Variants in ICE1 observed in about 807,000 individuals in gnomAD.
The protein encoded by ICE1 is little elongation complex subunit 1.
ICE1 carries 64 observed loss-of-function variants against 192.7 expected under a neutral mutation model. The observed-to-expected ratio is 0.33, with a 90% CI of 0.27 to 0.41. The LOEUF (loss-of-function observed/expected upper bound fraction) is 0.41, where lower values mean the gene tolerates loss of function less well. Among genes scored for constraint, ICE1 ranks in the 10% least tolerant of loss-of-function variants. The pLI is 1.00. For missense variants in ICE1, 2,708 were observed against 2,696.0 expected (o/e 1.00, Z -0.10); for synonymous variants, 1,010 against 984.5 (o/e 1.03, Z -0.49).
At chr5:5,483,929 A>T (rs1739572351) in intron 17 of ICE1, among the ~76,000 whole-genome samples, 1 of 152,216 alleles carries the variant, frequency 6.6e-6, no homozygotes, top group Admixed American at 6.5e-5. Flanking sequence ...ATCTTAAATG[A>T]AAACCCTGCT....
rs374363096 is a variant in ICE1 at position 5,462,757 on chromosome 5, C to T, written c.3423C>T (p.Ala1141=). Residue 1141 remains alanine, a synonymous_variant, in exon 13 of 19, where the codon GCC becomes GCT. Coordinates refer to ENST00000296564, the MANE Select transcript of ICE1 (RefSeq NM_015325.3). The part of the protein sequence containing the change: ...KNLGDTDAAV[A]EVRPSLEVGY... Reference sequence around the variant, plus strand: ...TAGGAGACACAGATGCTGCTGTAGCCGAGGTGAGACCTTCCTTAGAGGTAG... The same window carrying T: ...TAGGAGACACAGATGCTGCTGTAGCTGAGGTGAGACCTTCCTTAGAGGTAG... 9.9e-6 allele frequency: 16 copies of T among 1,613,554 alleles called. No individual in the cohort carries two copies. In the Admixed American group the frequency reaches 1.0e-4, roughly 10 times the overall value.
chr5:5,442,282 C>CA (rs1738073607), intron 5 of ICE1, among the ~76,000 whole-genome samples: 1 of 152,216 alleles, frequency 6.6e-6, no homozygotes, highest in Non-Finnish European at 1.5e-5. Context: ...AGGCGCTTCT[C>CA]ACGGTAGTGT....
chr5:5,489,822 A>C lies in ICE1; in HGVS notation c.*492A>C, dbSNP rs1739743513. On this transcript the variant is annotated 3_prime_UTR_variant, in exon 19 of 19. Transcript: ENST00000296564. Reference sequence around the variant, plus strand: ...GAAATGAGTTGCAAAAGTTTTTCTCAAGATGTAGTGCGTAATTGATCAGAG... The same window carrying C: ...GAAATGAGTTGCAAAAGTTTTTCTCCAGATGTAGTGCGTAATTGATCAGAG... 6.6e-6 allele frequency: 1 copy of C among 152,608 alleles called. No individual in the cohort carries two copies. The highest frequency in any genetic ancestry group is 6.5e-5 in the Admixed American group (1 of 15,308). The allele number at this position is 152,608 out of a possible 1,614,324, so 9.5% of individuals were successfully genotyped here. A position where few individuals can be genotyped will look rare whatever the true frequency, so the allele number is the denominator to read the frequency against.
chr5:5,486,372 T>C (rs933361861), intron 17 of ICE1, among the ~76,000 whole-genome samples: 3 of 152,232 alleles, frequency 2.0e-5, no homozygotes, highest in Admixed American at 6.5e-5. Context: ...CTAAGGTTTC[T>C]GTAGACTACA....
In ICE1 at chr5:5,433,751, T is replaced by C. The variant is rs574855091; in HGVS notation, c.85-2667T>C. On this transcript the variant is annotated intron_variant, in intron 1 of 18. Transcript: ENST00000296564. ...GGGAGTTAGGACTTAAGCATGTCTT[T>C]TGTGGGACAGGTCATGATTTAACGC... 2.0e-5 allele frequency among the ~76,000 whole-genome samples: 3 copies of C among 152,264 alleles called. No individual in the cohort carries two copies. In the South Asian group the frequency reaches 6.2e-4, roughly 32 times the overall value.
intron 17 of ICE1, among the ~76,000 whole-genome samples, chr5:5,481,582 A>G (rs1464063226): frequency 2.0e-5 from 3 of 152,208 alleles, no homozygotes; most frequent in African/African-American, 7.2e-5. Flanking sequence ...AGGTTCTGAT[A>G]GTGTTAGAGT....
intron 14 of ICE1, among the ~76,000 whole-genome samples, chr5:5,467,381 C>T: frequency 6.6e-6 from 1 of 152,100 alleles, no homozygotes; most frequent in East Asian, 1.9e-4. Flanking sequence ...CGGGTGTGGG[C>T]TCGGCCAGGA....
intron 10 of ICE1, among the ~76,000 whole-genome samples, chr5:5,449,200 C>A (rs1738340740): frequency 6.6e-6 from 1 of 152,112 alleles, no homozygotes; most frequent in Admixed American, 6.6e-5. Context: ...CCCTCTTAAT[C>A]AGGGCAGGGA....
intron 11 of ICE1, among the ~76,000 whole-genome samples, chr5:5,456,895 G>A (rs1738599289): frequency 6.6e-6 from 1 of 152,116 alleles, no homozygotes; most frequent in African/African-American, 2.4e-5. Context: ...ATTTGGCCGT[G>A]GGTAGGCTTG....
At position 5,462,323 on chromosome 5, in the gene ICE1, A is replaced by G; in HGVS notation, c.2989A>G (p.Thr997Ala). The change falls in exon 13 of 19, where the codon ACA becomes GCA. Residue 997 changes from threonine to alanine, a missense_variant. Around this residue, in one of 2 missense-constraint regions of ICE1, gnomAD observed 2,366 missense variants for 2,276.6 expected, o/e 1.04. Transcript: ENST00000296564. Reference sequence around the variant, plus strand: ...GGCCACAGATCTGGACTCCAGTGGGACACATGGCAGTGAGATGCTTCCAGC... The same window carrying G: ...GGCCACAGATCTGGACTCCAGTGGGGCACATGGCAGTGAGATGCTTCCAGC... ...PQATDLDSSG[T>A]HGSEMLPATE... 1 of 1,614,000 alleles carries G rather than the reference A, an allele frequency of 6.2e-7. No homozygotes were observed. The highest frequency in any genetic ancestry group is 8.5e-7 in the Non-Finnish European group (1 of 1,179,892).
At chr5:5,449,550 G>C (rs988409496) in intron 10 of ICE1, among the ~76,000 whole-genome samples, 22 of 152,018 alleles carry the variant, frequency 1.4e-4, no homozygotes, top group African/African-American at 5.3e-4. Flanking sequence ...ACAGCAGATA[G>C]TATCAATTGG....
chr5:5,457,266 C>CTT (rs200377078), intron 11 of ICE1, 66 bp from the exon 12 acceptor site: 85 of 1,083,572 alleles, frequency 7.8e-5, no homozygotes, highest in East Asian at 1.9e-4. Context: ...TTCTTTCTTT[C>CTT]TTTTTTTTTT....
intron 16 of ICE1, among the ~76,000 whole-genome samples, chr5:5,474,238 C>A (rs1739249488): frequency 6.6e-6 from 1 of 151,422 alleles, no homozygotes; most frequent in African/African-American, 2.4e-5. Context: ...AAAAATGCTA[C>A]CTTCATCCCT....
At position 5,471,194 on chromosome 5, in the gene ICE1, GAC is replaced by G. The variant is rs1245618053; in HGVS notation, c.6222+2208_6222+2209del. Among the ~76,000 whole-genome samples the G allele has an allele frequency of 2.0e-5, 3 of 152,266 alleles. No individual in the cohort carries two copies. The East Asian group carries it at 5.8e-4, about 29-fold the overall frequency. On this transcript the variant is annotated intron_variant, in intron 15 of 18. Transcript: ENST00000296564. ...AGTGAAGATTTGAAATGGGAAAGTA[GAC>G]ATATAGGACACAGAATGAGAAGACT...
At chr5:5,488,535 A>C (rs959150083) in intron 18 of ICE1, among the ~76,000 whole-genome samples, 1 of 152,196 alleles carries the variant, frequency 6.6e-6, no homozygotes, top group Non-Finnish European at 1.5e-5. Context: ...TAAATTGTTT[A>C]ACCTAAATTA....
chr5:5,429,792 T>C (rs1316080342), intron 1 of ICE1, among the ~76,000 whole-genome samples: 1 of 152,172 alleles, frequency 6.6e-6, no homozygotes, highest in Non-Finnish European at 1.5e-5. Flanking sequence ...GAAGGAAGCA[T>C]GGGCATCAGC....
Position 5,463,274 on chromosome 5 carries a change from C to T in ICE1, c.3940C>T (p.His1314Tyr). 6 of 1,613,530 alleles carry T rather than the reference C, an allele frequency of 3.7e-6. No individual in the cohort carries two copies. The highest frequency in any genetic ancestry group is 5.1e-6 in the Non-Finnish European group (6 of 1,179,734). Residue 1314 changes from histidine to tyrosine, a missense_variant, in exon 13 of 19, where the codon CAT becomes TAT. By Grantham distance (83) the His-to-Tyr change is moderately conservative. This residue lies in a region of ICE1 where 2,366 missense variants were observed against 2,276.6 expected (regional missense o/e 1.04). Coordinates refer to ENST00000296564, the MANE Select transcript of ICE1 (RefSeq NM_015325.3). ...PFRETTGSSS[H>Y]ASEPTPQAAA... ...TCGGGAAACGACTGGCTCCTCATCA[C>T]ATGCTTCAGAACCAACCCCACAAGC...
chr5:5,454,136 T>G (rs570695587), intron 10 of ICE1, among the ~76,000 whole-genome samples: 50 of 152,320 alleles, frequency 3.3e-4, no homozygotes, highest in Admixed American at 1.4e-3. Flanking sequence ...CTACTCCTTG[T>G]AAAATACATA....
intron 1 of ICE1, among the ~76,000 whole-genome samples, chr5:5,427,908 A>G (rs1210055580): frequency 6.6e-6 from 1 of 152,166 alleles, no homozygotes; most frequent in African/African-American, 2.4e-5. Context: ...CATATGAGGT[A>G]CTCTGGGAGC....
Sources: allele counts gnomAD v4.1 joint callset (sites outside exome capture counted in the v4.1 genomes callset), GRCh38; gene constraint gnomAD v4.1.1; regional missense constraint gnomAD v4.1.1; transcripts MANE v1.5; gene names NCBI Gene and HGNC (gene_info 2026-07-23, HGNC 2026-07-21).